Variants in NWD1 observed in about 807,000 individuals in gnomAD.
NWD1 encodes NACHT domain- and WD repeat-containing protein 1.
Under a neutral mutation model 135.1 loss-of-function variants are expected in NWD1, and 129 were observed. The observed-to-expected ratio is 0.96, with a 90% CI of 0.83 to 1.11. The LOEUF is 1.11. NWD1 is among the 50% of genes least tolerant of loss of function. NWD1 has a pLI of 0.00. For missense variants in NWD1, 1,740 were observed against 1,851.3 expected, an observed-to-expected ratio of 0.94 and a Z score of 1.10; for synonymous variants, 773 against 786.0, an observed-to-expected ratio of 0.98 and a Z score of 0.28.
At chr19:16,796,822 G>C (rs766558401) in intron 15 of NWD1, among the ~76,000 whole-genome samples, 4 of 152,042 alleles carry the variant, frequency 2.6e-5, no homozygotes, top group Non-Finnish European at 5.9e-5. Flanking sequence ...GAGCCAAATA[G>C]GCAGTCCCTG....
chr19:16,790,724 T>G (rs922839430), intron 13 of NWD1, among the ~76,000 whole-genome samples: 1 of 151,970 alleles, frequency 6.6e-6, no homozygotes, highest in Non-Finnish European at 1.5e-5. Context: ...AGACCTAGTA[T>G]AGTAAAAATA....
chr19:16,734,169 C>CA (rs1967693995), intron 3 of NWD1, among the ~76,000 whole-genome samples: 1 of 152,154 alleles, frequency 6.6e-6, no homozygotes, highest in Non-Finnish European at 1.5e-5. Context: ...AAACACCCTC[C>CA]TTTGCAAGGA....
intron 8 of NWD1, among the ~76,000 whole-genome samples, chr19:16,762,929 G>T (rs749286276): frequency 6.6e-6 from 1 of 151,710 alleles, no homozygotes; most frequent in Non-Finnish European, 1.5e-5. Context: ...GACTACAGGT[G>T]TGTGCCACTG....
Position 16,791,844 on chromosome 19 carries a change from A to T in NWD1, c.3213+222A>T, listed in dbSNP as rs2547109. On this transcript the variant is annotated intron_variant, in intron 14 of 18. Coordinates refer to ENST00000524140, the MANE Select transcript of NWD1 (RefSeq NM_001007525.5). ...TTCTCACTGCCTCAGCCTTCCGAGTAGCTGGGATTACAGGCAAGTGCCACC... is the reference window on the plus strand; with the variant it reads ...TTCTCACTGCCTCAGCCTTCCGAGTTGCTGGGATTACAGGCAAGTGCCACC... 3.0e-3 allele frequency among the ~76,000 whole-genome samples: 451 copies of T among 152,216 alleles called. 1 individual carries two copies. The highest frequency in any genetic ancestry group is 0.01 in the African/African-American group (419 of 41,534).
At position 16,807,751 on chromosome 19, in the gene NWD1, C is replaced by G. The variant is rs142852841; in HGVS notation, c.3902C>G (p.Ala1301Gly). Residue 1301 changes from alanine to glycine, a missense_variant, in exon 18 of 19, where the codon GCA becomes GGA. Transcript: ENST00000524140. ...ATTCCCCCTCCCGAGGCCCGGAAAG[C>G]AATCAACTGCATGTCCCTGAGCAAG... ...ICIPPPEARKAINCMSLSKCE... is the reference protein window; with the variant it reads ...ICIPPPEARKGINCMSLSKCE... The G allele has an allele frequency of 2.6e-4, 412 of 1,613,104 alleles. No homozygotes were observed. The highest frequency in any genetic ancestry group is 3.4e-4 in the Non-Finnish European group (404 of 1,179,332).
Position 16,810,961 on chromosome 19 carries a change from G to A in NWD1, c.4287+2825G>A, listed in dbSNP as rs1204755965. ...GTTCACTGTAGCCTCCGCCTCCTGG[G>A]TTCAGGTGATTCTTCCACCTCAGCC... On this transcript the variant is annotated intron_variant, in intron 18 of 18. Coordinates refer to ENST00000524140, the MANE Select transcript of NWD1 (RefSeq NM_001007525.5). 2.0e-5 allele frequency among the ~76,000 whole-genome samples: 3 copies of A among 152,120 alleles called. No homozygotes were observed. The East Asian group carries it at 5.8e-4, about 29-fold the overall frequency.
intron 18 of NWD1, among the ~76,000 whole-genome samples, chr19:16,813,020 G>A (rs1809307737): frequency 6.6e-6 from 1 of 152,180 alleles, no homozygotes; most frequent in African/African-American, 2.4e-5. Context: ...CCCTCTTCTA[G>A]ACCCATGCTC....
chr19:16,728,623 T>C (rs1967421863), intron 2 of NWD1, among the ~76,000 whole-genome samples: 3 of 150,166 alleles, frequency 2.0e-5, no homozygotes, highest in African/African-American at 7.3e-5. Flanking sequence ...AGAAATTACA[T>C]CCTGGTTCGG....
At chr19:16,783,227 G>A (rs554989375) in intron 12 of NWD1, among the ~76,000 whole-genome samples, 8 of 151,538 alleles carry the variant, frequency 5.3e-5, no homozygotes, top group East Asian at 2.0e-4. Context: ...TAGAGACTGG[G>A]TCTCACCGTG....
chr19:16,754,452 C>T (rs1485688375), intron 6 of NWD1, among the ~76,000 whole-genome samples: 1 of 148,686 alleles, frequency 6.7e-6, no homozygotes, highest in Non-Finnish European at 1.5e-5. Flanking sequence ...TCCCATCCAT[C>T]ATCTCTATTT....
At chr19:16,788,051 A>G (rs1328058219) in intron 12 of NWD1, among the ~76,000 whole-genome samples, 2 of 147,666 alleles carry the variant, frequency 1.4e-5, no homozygotes, top group Non-Finnish European at 3.0e-5. Context: ...CAACATGATG[A>G]AACTGTGTCT....
At chr19:16,751,241 A>T (rs1315162721) in intron 6 of NWD1, among the ~76,000 whole-genome samples, 1 of 143,942 alleles carries the variant, frequency 6.9e-6, no homozygotes, top group East Asian at 2.0e-4. Context: ...AAAAAAAAAA[A>T]TGCAATAAAC....
In NWD1 at chr19:16,773,109, A is replaced by T; in HGVS notation, c.2411-17A>T. The T allele has an allele frequency of 3.1e-6, 5 of 1,611,120 alleles. No individual in the cohort carries two copies. Among genetic ancestry groups the T allele is most frequent in the Non-Finnish European group, 4.2e-6 (5 of 1,177,486 alleles). ...GGGCTCAATCCAGGCAACTTAGTCTACATCCCTTTGTTGCAGAGAGGAGCC... is the reference window on the plus strand; with the variant it reads ...GGGCTCAATCCAGGCAACTTAGTCTTCATCCCTTTGTTGCAGAGAGGAGCC... On this transcript the variant is annotated splice_polypyrimidine_tract_variant and intron_variant, in intron 10 of 18. Transcript: ENST00000524140.
chr19:16,811,352 G>A lies in NWD1; in HGVS notation c.4287+3216G>A, dbSNP rs558194700. Among the ~76,000 whole-genome samples the A allele has an allele frequency of 1.5e-4, 23 of 152,244 alleles. 1 individual carries two copies. The highest frequency in any genetic ancestry group is 4.8e-4 in the African/African-American group (20 of 41,546). ...TAATCCTAGCACTTTGGGAGGCTGAGGCGGGTGGATCACTTGAGGTCAGGA... is the reference window on the plus strand; with the variant it reads ...TAATCCTAGCACTTTGGGAGGCTGAAGCGGGTGGATCACTTGAGGTCAGGA... On this transcript the variant is annotated intron_variant, in intron 18 of 18. Transcript: ENST00000524140.
intron 1 of NWD1, among the ~76,000 whole-genome samples, chr19:16,723,933 T>C (rs1212684376): frequency 6.6e-6 from 1 of 152,110 alleles, no homozygotes; most frequent in African/African-American, 2.4e-5. Context: ...TAACCTCAAG[T>C]GATCGGCCCG....
At chr19:16,730,173 T>C (rs1258219704) in intron 2 of NWD1, among the ~76,000 whole-genome samples, 1 of 151,672 alleles carries the variant, frequency 6.6e-6, no homozygotes, top group African/African-American at 2.4e-5. Flanking sequence ...ACACAAAAAA[T>C]TAGCCAGGTG....
At chr19:16,737,558 A>G (rs1203614127) in intron 4 of NWD1, among the ~76,000 whole-genome samples, 1 of 147,144 alleles carries the variant, frequency 6.8e-6, no homozygotes, top group African/African-American at 2.5e-5. Flanking sequence ...CACCTGGTCT[A>G]GTTTTAAGTT....
rs1464805489 is a variant in NWD1, at chr19:16,732,677, T to TAAAAAAAAAAAAA, written c.81+1399_81+1400insAAAAAAAAAAAAA. Among the ~76,000 whole-genome samples, 69 of 85,112 alleles carry TAAAAAAAAAAAAA rather than the reference T, an allele frequency of 8.1e-4. 7 individuals carry two copies. Among genetic ancestry groups the TAAAAAAAAAAAAA allele is most frequent in the African/African-American group, 1.9e-3 (31 of 16,152 alleles). 55.8% of individuals were successfully genotyped at this position (85,112 alleles called of 152,430 possible). ...CTCAAAAAAAAAAAAAAAGAAAAAG[T>TAAAAAAAAAAAAA]GAAAAAGTGCAGTGGTGTGATCTCA... is the stretch of plus-strand genomic sequence containing the variant. On this transcript the variant is annotated intron_variant, in intron 3 of 18. Transcript: ENST00000524140.
intron 11 of NWD1, among the ~76,000 whole-genome samples, chr19:16,775,013 C>T (rs1350737965): frequency 6.6e-6 from 1 of 152,140 alleles, no homozygotes; most frequent in Non-Finnish European, 1.5e-5. Flanking sequence ...TCCATTCACC[C>T]ATCTATTTAT....
Sources: gnomAD v4.1 joint callset for allele counts (sites outside exome capture counted in the v4.1 genomes callset) on GRCh38, gnomAD v4.1.1 for gene constraint, MANE v1.5 for transcripts, NCBI Gene and HGNC (gene_info 2026-07-23, HGNC 2026-07-21) for gene names.